The following PDE4A variants were observed in gnomAD, a reference collection of about 807,000 sequenced individuals.
PDE4A encodes 3',5'-cyclic-AMP phosphodiesterase 4A.
PDE4A carries 21 observed loss-of-function variants against 73.9 expected under a neutral mutation model. The observed-to-expected ratio is 0.28, with a 90% CI of 0.20 to 0.41. The LOEUF is 0.41. Ranked by LOEUF, PDE4A falls within the 10% of genes least tolerant of loss-of-function variation. PDE4A has a pLI of 1.00. For missense variants in PDE4A, 958 were observed against 1,211.4 expected, an observed-to-expected ratio of 0.79 and a Z score of 3.10; for synonymous variants, 463 against 505.4, an observed-to-expected ratio of 0.92 and a Z score of 1.13.
intron 1 of PDE4A, among the ~76,000 whole-genome samples, chr19:10,434,296 C>G (rs1274603148): frequency 6.6e-6 from 1 of 151,234 alleles, no homozygotes; most frequent in Middle Eastern, 3.2e-3. Flanking sequence ...CCTCTGCCTC[C>G]CGGGTTCAAG....
chr19:10,445,966 T>C (rs1032719252), intron 1 of PDE4A, among the ~76,000 whole-genome samples: 37 of 150,208 alleles, frequency 2.5e-4, no homozygotes, highest in Admixed American at 6.6e-4. Context: ...GCCTCCCGAA[T>C]AGCTGGGATT....
At chr19:10,423,073 C>G (rs1234322094) in intron 1 of PDE4A, 6 of 984,250 alleles carry the variant, frequency 6.1e-6, no homozygotes, top group Non-Finnish European at 7.2e-6. Flanking sequence ...CATATGCATC[C>G]TCATCCCCAG....
intron 11 of PDE4A, 92 bp downstream of exon 11, chr19:10,461,195 G>A (rs2043259045): frequency 6.7e-7 from 1 of 1,494,752 alleles, no homozygotes; most frequent in South Asian, 1.3e-5. Flanking sequence ...AGGAGGGGCT[G>A]GCTGGCCTGG....
At chr19:10,445,963 G>A (rs1001203989) in intron 1 of PDE4A, among the ~76,000 whole-genome samples, 3 of 149,322 alleles carry the variant, frequency 2.0e-5, no homozygotes, top group East Asian at 2.1e-4. Flanking sequence ...TCAGCCTCCC[G>A]AATAGCTGGG....
At chr19:10,447,207 C>G (rs2043019502) in intron 2 of PDE4A, among the ~76,000 whole-genome samples, 1 of 135,954 alleles carries the variant, frequency 7.4e-6, no homozygotes, top group Non-Finnish European at 1.6e-5. Context: ...GCCTCAGTTC[C>G]TTTTTTTCTC....
chr19:10,431,629 C>G (rs1415640045), intron 1 of PDE4A, among the ~76,000 whole-genome samples: 1 of 152,200 alleles, frequency 6.6e-6, no homozygotes, highest in East Asian at 1.9e-4. Flanking sequence ...GTTGGCAGCC[C>G]GGAGTTGGGC....
At chr19:10,432,599 C>T in intron 1 of PDE4A, 1 of 1,463,710 alleles carries the variant, frequency 6.8e-7, no homozygotes, top group Non-Finnish European at 9.0e-7. Flanking sequence ...AGTCAGTCCT[C>T]TCTTTTAATA....
At chr19:10,454,738 G>A in intron 6 of PDE4A, 91 bp from the exon 7 acceptor site, 1 of 1,593,878 alleles carries the variant, frequency 6.3e-7, no homozygotes, top group Non-Finnish European at 8.6e-7. Flanking sequence ...AGGGACTCAT[G>A]GGGTCTTCAG....
intron 1 of PDE4A, among the ~76,000 whole-genome samples, chr19:10,428,283 A>C (rs577017933): frequency 9.2e-5 from 14 of 151,894 alleles, no homozygotes; most frequent in South Asian, 2.1e-4. Flanking sequence ...ACTTGACCGC[A>C]GGAAGTTGAG....
intron 1 of PDE4A, among the ~76,000 whole-genome samples, chr19:10,434,874 A>G (rs1050245471): frequency 2.1e-5 from 3 of 144,336 alleles, no homozygotes; most frequent in Non-Finnish European, 3.0e-5. Context: ...TACAGGCATG[A>G]GCCACTGTGC....
At chr19:10,428,070 G>A (rs571815168) in intron 1 of PDE4A, among the ~76,000 whole-genome samples, 1 of 151,608 alleles carries the variant, frequency 6.6e-6, no homozygotes, top group Non-Finnish European at 1.5e-5. Context: ...GAGATCATAA[G>A]ACCAAGTGTG....
At chr19:10,464,137 GC>G in intron 14 of PDE4A, 162 bp downstream of exon 14, 2 of 899,628 alleles carry the variant, frequency 2.2e-6, no homozygotes, top group Non-Finnish European at 3.4e-6. Context: ...TCATTCTATT[GC>G]CCAGGCTGGA....
At chr19:10,457,843 T>A (rs4804134) in intron 7 of PDE4A, 36 bp from the exon 8 acceptor site, 5 of 1,609,706 alleles carry the variant, frequency 3.1e-6, no homozygotes, top group East Asian at 4.5e-5. Context: ...GGTGGAAGGG[T>A]TGTTCACACT....
chr19:10,453,325 A>C lies in PDE4A; in HGVS notation c.784-1504A>C. On this transcript the variant is annotated intron_variant, in intron 6 of 14. Transcript: ENST00000380702. This position sits in a 1 kb window ranked among gnomAD's most constrained non-coding sequence, Gnocchi z 4.6. Reference sequence around the variant, plus strand: ...AAGCCTTGGCTGGTGGGCTGGTGGGACCAGGTAGGAGAGTGCAGGGTAGGG... The same window carrying C: ...AAGCCTTGGCTGGTGGGCTGGTGGGCCCAGGTAGGAGAGTGCAGGGTAGGG... 7 of 1,612,550 alleles carry C rather than the reference A, an allele frequency of 4.3e-6. No individual in the cohort carries two copies. The highest frequency in any genetic ancestry group is 5.9e-6 in the Non-Finnish European group (7 of 1,179,224).
intron 1 of PDE4A, chr19:10,428,767 C>T (rs1400778794): frequency 1.1e-4 from 110 of 985,174 alleles, no homozygotes; most frequent in Non-Finnish European, 1.3e-4. Context: ...CCCAGGCTTC[C>T]TCACTCTGGG....
At position 10,459,564 on chromosome 19, in the gene PDE4A, A is replaced by G. The variant is rs754617864; in HGVS notation, c.1201-31A>G. On this transcript the variant is annotated intron_variant, in intron 9 of 14. Coordinates refer to ENST00000380702, the MANE Select transcript of PDE4A (RefSeq NM_001111307.2). ...ATAGCGGGGCGCTGGAGGCCGGTGG[A>G]GGTCACCACCCTGCCCCTGCCTGCT... 3 of 1,611,426 alleles carry G rather than the reference A, an allele frequency of 1.9e-6. No homozygotes were observed. In the South Asian group the frequency reaches 3.3e-5, roughly 18 times the overall value.
chr19:10,463,613 G>A (rs1009924854), intron 13 of PDE4A, 180 bp from the exon 14 acceptor site: 5 of 649,222 alleles, frequency 7.7e-6, no homozygotes, highest in African/African-American at 2.0e-5. Flanking sequence ...ATGTTGGCCA[G>A]GCTGGTCTTG....
chr19:10,450,633 C>G lies in PDE4A; in HGVS notation c.651C>G (p.Val217=), dbSNP rs1030452705. The part of the protein sequence containing the change: ...KRSPLGGPTP[V]CKATLSEETC... ...CCCCGCTGGGCGGCCCCACCCCTGT[C>G]TGCAAGGCCACGCTGTCAGGTAGCT... Residue 217 remains valine (V), a synonymous_variant, in exon 5 of 15, where the codon GTC becomes GTG. Coordinates refer to ENST00000380702, the MANE Select transcript of PDE4A (RefSeq NM_001111307.2). 1 of 1,610,088 alleles carries G rather than the reference C, an allele frequency of 6.2e-7. No individual in the cohort carries two copies. Among genetic ancestry groups the G allele is most frequent in the Non-Finnish European group, 8.5e-7 (1 of 1,178,778 alleles).
intron 1 of PDE4A, chr19:10,427,830 G>A (rs1301714500): frequency 3.9e-5 from 38 of 985,082 alleles, no homozygotes; most frequent in African/African-American, 5.2e-5. Context: ...AACCTTGGTC[G>A]GTGAACAAAA....
Sources: gnomAD v4.1 joint callset for allele counts (sites outside exome capture counted in the v4.1 genomes callset) on GRCh38, gnomAD v4.1.1 for gene constraint, Gnocchi (gnomAD v3.1) non-coding constraint, MANE v1.5 for transcripts, NCBI Gene and HGNC (gene_info 2026-07-23, HGNC 2026-07-21) for gene names.